EBF1: variants seen among roughly 807,000 people sequenced by gnomAD.
EBF1 encodes the protein EBF transcription factor 1.
A neutral mutation model predicts 68.4 loss-of-function variants in EBF1; 10 were observed. The ratio of observed to expected loss-of-function variants is 0.15; its 90% CI spans 0.09 to 0.25. The LOEUF (loss-of-function observed/expected upper bound fraction) is 0.25. Among genes scored for constraint, EBF1 ranks in the 10% least tolerant of loss-of-function variants. The pLI, the probability that EBF1 is intolerant of heterozygous loss-of-function variation, is 1.00. For synonymous variants in EBF1, 298 were observed against 299.8 expected, an observed-to-expected ratio of 0.99 and a Z score of 0.06; for missense variants, 509 against 794.4, an observed-to-expected ratio of 0.64 and a Z score of 4.32.
intron 6 of EBF1, among the ~76,000 whole-genome samples, chr5:158,997,975 C>T (rs1375834437): frequency 6.6e-6 from 1 of 152,100 alleles, no homozygotes; most frequent in East Asian, 1.9e-4. Flanking sequence ...CCTGTCCTGC[C>T]ACCATTTCCT....
intron 6 of EBF1, among the ~76,000 whole-genome samples, chr5:158,972,660 CCTT>C (rs558966141): frequency 1.9e-4 from 29 of 152,250 alleles, no homozygotes; most frequent in Non-Finnish European, 3.7e-4. Flanking sequence ...TGCTTGGAAA[CCTT>C]CTTCTCATCT....
chr5:158,698,999 G>C lies in EBF1; in HGVS notation c.*112C>G, dbSNP rs1485013706. ...TTGTTTAAAAATCTGCAGTTATTGT[G>C]ATTCCTCTTAAAAAGGCCTGAGTTA... On this transcript the variant is annotated 3_prime_UTR_variant, in exon 16 of 16. Coordinates refer to ENST00000313708, the MANE Select transcript of EBF1 (RefSeq NM_024007.5). 4 of 999,084 alleles carry C rather than the reference G, an allele frequency of 4.0e-6. No homozygotes were observed. Among genetic ancestry groups the C allele is most frequent in the Non-Finnish European group, 5.8e-6 (4 of 693,576 alleles). 61.9% of individuals were successfully genotyped at this position (999,084 alleles called of 1,614,324 possible).
chr5:158,739,936 G>A (rs1201078299), intron 10 of EBF1, among the ~76,000 whole-genome samples: 1 of 152,164 alleles, frequency 6.6e-6, no homozygotes, highest in Non-Finnish European at 1.5e-5. Flanking sequence ...ATAGGCAGGC[G>A]ATAAACCGCA....
intron 11 of EBF1, among the ~76,000 whole-genome samples, chr5:158,718,276 C>T (rs4147383): frequency 0.79 from 119,555 of 152,100 alleles, 47,433 homozygotes; most frequent in East Asian, 0.96. Context: ...GTCGCCATCA[C>T]TTGGTCCTAC....
chr5:158,767,135 A>G (rs970650100), intron 10 of EBF1, among the ~76,000 whole-genome samples: 1 of 152,008 alleles, frequency 6.6e-6, no homozygotes, highest in African/African-American at 2.4e-5. Flanking sequence ...ACCAAATCTC[A>G]TGCCTTAGAT....
chr5:158,948,031 C>T (rs906771367), intron 6 of EBF1, among the ~76,000 whole-genome samples: 1 of 152,284 alleles, frequency 6.6e-6, no homozygotes. Flanking sequence ...GACATGAATC[C>T]CCCATTCCTA....
rs564354098 is a variant in EBF1, at chr5:158,978,527, T to C, written c.554+94869A>G. On this transcript the variant is annotated intron_variant, in intron 6 of 15. Coordinates refer to ENST00000313708, the MANE Select transcript of EBF1 (RefSeq NM_024007.5). ...GAAAGGGGCAAGCCATGTGGTAAGT[T>C]CTGTTCATGATTTTTACAGGAAAAA... is the stretch of plus-strand genomic sequence containing the variant. Among the ~76,000 whole-genome samples the C allele has an allele frequency of 1.3e-3, 204 of 152,298 alleles. 2 individuals carry two copies. The highest frequency in any genetic ancestry group is 4.7e-3 in the African/African-American group (194 of 41,538).
intron 6 of EBF1, among the ~76,000 whole-genome samples, chr5:158,860,652 C>T (rs1186559996): frequency 2.0e-5 from 3 of 152,194 alleles, no homozygotes; most frequent in South Asian, 2.1e-4. Context: ...TCTGAGCCAA[C>T]GTGGTCAGCT....
intron 6 of EBF1, among the ~76,000 whole-genome samples, chr5:159,047,302 A>T (rs1319786565): frequency 6.6e-6 from 1 of 152,228 alleles, no homozygotes; most frequent in East Asian, 1.9e-4. Context: ...TTTTATCCTA[A>T]GAACAATAAG....
intron 6 of EBF1, among the ~76,000 whole-genome samples, chr5:158,907,122 A>G (rs1010959620): frequency 1.3e-5 from 2 of 152,348 alleles, no homozygotes; most frequent in South Asian, 4.1e-4. Flanking sequence ...AAAAGTAATT[A>G]TGGCTAGATA....
intron 6 of EBF1, among the ~76,000 whole-genome samples, chr5:159,044,787 C>T (rs530486666): frequency 6.6e-6 from 1 of 152,246 alleles, no homozygotes; most frequent in East Asian, 1.9e-4. Flanking sequence ...GTTATTATGA[C>T]AATATTTCCT....
At chr5:158,854,115 G>A (rs1351146761) in intron 6 of EBF1, among the ~76,000 whole-genome samples, 1 of 152,204 alleles carries the variant, frequency 6.6e-6, no homozygotes, top group Non-Finnish European at 1.5e-5. Flanking sequence ...CCAAACCACA[G>A]AAGGGCCAGA....
intron 6 of EBF1, among the ~76,000 whole-genome samples, chr5:159,031,508 T>A (rs967518131): frequency 3.3e-5 from 5 of 152,170 alleles, no homozygotes; most frequent in Non-Finnish European, 7.3e-5. Flanking sequence ...CAGTCCCAAA[T>A]GTTTCCTGTG....
At chr5:158,924,785 G>A (rs150097182) in intron 6 of EBF1, among the ~76,000 whole-genome samples, 2,495 of 144,622 alleles carry the variant, frequency 0.017, 69 homozygotes, top group African/African-American at 0.06. Flanking sequence ...CCCAGGAGGC[G>A]CAGCTTGTGG....
chr5:158,930,261 T>G lies in EBF1; in HGVS notation c.555-90151A>C, dbSNP rs1000466363. Among the ~76,000 whole-genome samples, 270 of 102,080 alleles carry G rather than the reference T, an allele frequency of 2.6e-3. 2 individuals are homozygous for G. The highest frequency in any genetic ancestry group is 7.9e-3 in the African/African-American group (260 of 32,870). 67.0% of individuals were successfully genotyped at this position (102,080 alleles called of 152,430 possible). A position where few individuals can be genotyped will look rare whatever the true frequency, so the allele number is the denominator to read the frequency against. ...CTCGAGCTGTTTTCTAGTTTTTTTGTTTTTTTTTTTGTTTGTTTTTTTTTG... is the reference window on the plus strand; with the variant it reads ...CTCGAGCTGTTTTCTAGTTTTTTTGGTTTTTTTTTTGTTTGTTTTTTTTTG... On this transcript the variant is annotated intron_variant, in intron 6 of 15. Coordinates refer to ENST00000313708, the MANE Select transcript of EBF1 (RefSeq NM_024007.5).
chr5:159,023,589 C>A (rs540618384), intron 6 of EBF1, among the ~76,000 whole-genome samples: 1 of 152,276 alleles, frequency 6.6e-6, no homozygotes, highest in East Asian at 1.9e-4. Context: ...GGCAAAGTTA[C>A]AAATCTACAT....
intron 6 of EBF1, among the ~76,000 whole-genome samples, chr5:159,070,959 T>C (rs1038999960): frequency 2.0e-5 from 3 of 152,216 alleles, no homozygotes; most frequent in Non-Finnish European, 4.4e-5. Context: ...GTTGCCATCA[T>C]TTTTTCCCCT....
At chr5:158,819,750 T>C (rs1784456265) in intron 8 of EBF1, among the ~76,000 whole-genome samples, 1 of 152,172 alleles carries the variant, frequency 6.6e-6, no homozygotes, top group African/African-American at 2.4e-5. Flanking sequence ...CTGTACATCT[T>C]CCATAAAGCT....
chr5:158,846,379 A>T (rs1791528430), intron 6 of EBF1, among the ~76,000 whole-genome samples: 2 of 152,204 alleles, frequency 1.3e-5, no homozygotes, highest in Non-Finnish European at 2.9e-5. Context: ...GTCCAAGCCT[A>T]CTGCCCAGAA....
Sources: gnomAD v4.1 joint callset for allele counts (sites outside exome capture counted in the v4.1 genomes callset) on GRCh38, gnomAD v4.1.1 for gene constraint, MANE v1.5 for transcripts, NCBI Gene and HGNC (gene_info 2026-07-23, HGNC 2026-07-21) for gene names.